ROBO1: variants seen among roughly 807,000 people sequenced by gnomAD.
ROBO1 encodes roundabout homolog 1.
A neutral mutation model predicts 195.9 loss-of-function variants in ROBO1; 149 were observed. The ratio of observed to expected loss-of-function variants is 0.76; its 90% CI spans 0.67 to 0.87. ROBO1 has a LOEUF of 0.87. Among genes scored for constraint, ROBO1 ranks in the 40% least tolerant of loss-of-function variants. The probability of loss-of-function intolerance (pLI) is 0.00; values close to 1 mark genes in which losing one functional copy is unlikely to be tolerated. For missense variants in ROBO1, 1,933 were observed against 2,068.3 expected, an observed-to-expected ratio of 0.93 and a Z score of 1.27; for synonymous variants, 816 against 733.2, an observed-to-expected ratio of 1.11 and a Z score of -1.82.
At chr3:79,726,805 G>A (rs1172966243) in intron 1 of ROBO1, among the ~76,000 whole-genome samples, 10 of 152,120 alleles carry the variant, frequency 6.6e-5, no homozygotes, top group Admixed American at 6.5e-4. Flanking sequence ...TATAAAGAGA[G>A]TAAAATCCAA....
intron 3 of ROBO1, among the ~76,000 whole-genome samples, chr3:79,063,560 A>G (rs535689776): frequency 4.9e-4 from 74 of 150,800 alleles, no homozygotes; most frequent in African/African-American, 1.7e-3. Context: ...TGACCTTCAC[A>G]TGGTTAAATC....
At chr3:79,270,177 TG>T (rs1196300340) in intron 2 of ROBO1, among the ~76,000 whole-genome samples, 1 of 120,118 alleles carries the variant, frequency 8.3e-6, no homozygotes, top group African/African-American at 3.3e-5. Context: ...ACATACATAA[TG>T]TTCTCTCTCT....
At chr3:79,501,410 G>T (rs982654735) in intron 2 of ROBO1, among the ~76,000 whole-genome samples, 1 of 152,142 alleles carries the variant, frequency 6.6e-6, no homozygotes, top group Admixed American at 6.6e-5. Flanking sequence ...TCTTGGCATT[G>T]ATGTCTTCTG....
chr3:79,591,659 T>C (rs1944002697), intron 1 of ROBO1, among the ~76,000 whole-genome samples: 1 of 151,938 alleles, frequency 6.6e-6, no homozygotes, highest in Non-Finnish European at 1.5e-5. Flanking sequence ...ATCCATACTA[T>C]GCAGTTATTA....
intron 2 of ROBO1, among the ~76,000 whole-genome samples, chr3:79,399,354 G>C (rs1163444911): frequency 2.0e-5 from 3 of 151,822 alleles, no homozygotes; most frequent in Non-Finnish European, 4.4e-5. Flanking sequence ...GCTGCCCCCC[G>C]ACCTCCCACT....
chr3:78,602,199 C>T (rs1037775000), intron 29 of ROBO1, among the ~76,000 whole-genome samples: 2 of 151,964 alleles, frequency 1.3e-5, no homozygotes, highest in Non-Finnish European at 2.9e-5. Context: ...CCTCATGGAT[C>T]GCTTGGGCCA....
chr3:79,331,456 A>G (rs1468570835), intron 2 of ROBO1, among the ~76,000 whole-genome samples: 2 of 152,248 alleles, frequency 1.3e-5, no homozygotes, highest in African/African-American at 2.4e-5. Context: ...GCCATTTATA[A>G]AAGACTTCTG....
intron 3 of ROBO1, among the ~76,000 whole-genome samples, chr3:79,097,799 T>G (rs1275586573): frequency 6.6e-6 from 1 of 151,614 alleles, no homozygotes; most frequent in African/African-American, 2.4e-5. Context: ...TAATATTCTA[T>G]TATATATGTT....
chr3:79,362,269 C>T (rs1377334444), intron 2 of ROBO1, among the ~76,000 whole-genome samples: 2 of 151,966 alleles, frequency 1.3e-5, no homozygotes, highest in Non-Finnish European at 2.9e-5. Flanking sequence ...AATAATAGAT[C>T]GAAGTGCATT....
intron 2 of ROBO1, among the ~76,000 whole-genome samples, chr3:79,248,108 G>A (rs2082656631): frequency 6.6e-6 from 1 of 151,986 alleles, no homozygotes; most frequent in Non-Finnish European, 1.5e-5. Flanking sequence ...AGGAAACTTT[G>A]GATAGATTTG....
At chr3:79,077,053 T>C (rs2079186177) in intron 3 of ROBO1, among the ~76,000 whole-genome samples, 2 of 151,920 alleles carry the variant, frequency 1.3e-5, no homozygotes, top group South Asian at 4.1e-4. Flanking sequence ...GGTGACTTGG[T>C]ATATGTATTC....
At chr3:79,609,895 G>C (rs1944602062) in intron 1 of ROBO1, among the ~76,000 whole-genome samples, 1 of 151,842 alleles carries the variant, frequency 6.6e-6, no homozygotes, top group African/African-American at 2.4e-5. Flanking sequence ...TTTCCATTTT[G>C]CAAGATGAAA....
At chr3:79,020,713 T>G (rs1250748236) in intron 3 of ROBO1, among the ~76,000 whole-genome samples, 1 of 151,894 alleles carries the variant, frequency 6.6e-6, no homozygotes, top group Non-Finnish European at 1.5e-5. Flanking sequence ...AATAAATAAA[T>G]AAAAAGACAC....
At chr3:79,747,728 T>C (rs898114905) in intron 1 of ROBO1, among the ~76,000 whole-genome samples, 3 of 152,152 alleles carry the variant, frequency 2.0e-5, no homozygotes, top group Non-Finnish European at 1.5e-5. Context: ...AAATGTTAGA[T>C]GTGACTAATA....
At chr3:79,076,246 G>GTA (rs779728397) in intron 3 of ROBO1, among the ~76,000 whole-genome samples, 424 of 145,446 alleles carry the variant, frequency 2.9e-3, no homozygotes, top group African/African-American at 9.0e-3. Flanking sequence ...ATAAATATAA[G>GTA]TATATATATA....
intron 2 of ROBO1, among the ~76,000 whole-genome samples, chr3:79,575,887 T>C (rs1468558408): frequency 6.6e-6 from 1 of 151,936 alleles, no homozygotes; most frequent in Non-Finnish European, 1.5e-5. Context: ...TTGTTTGCCC[T>C]GAAGCATCAT....
At chr3:78,780,729 T>C (rs2083652414) in intron 4 of ROBO1, among the ~76,000 whole-genome samples, 1 of 152,164 alleles carries the variant, frequency 6.6e-6, no homozygotes, top group Non-Finnish European at 1.5e-5. Context: ...ACCTGCTTCT[T>C]CTTGGCAACT....
At chr3:79,493,886 A>T (rs897168778) in intron 2 of ROBO1, among the ~76,000 whole-genome samples, 2 of 152,152 alleles carry the variant, frequency 1.3e-5, no homozygotes, top group Admixed American at 1.3e-4. Context: ...CTAAAATGCA[A>T]AACAAATTAT....
At chr3:79,302,779 T>A (rs954058964) in intron 2 of ROBO1, among the ~76,000 whole-genome samples, 4 of 152,156 alleles carry the variant, frequency 2.6e-5, no homozygotes, top group Non-Finnish European at 4.4e-5. Flanking sequence ...AGTATATCAG[T>A]CATTATTGCC....
Sources: allele counts gnomAD v4.1 joint callset (sites outside exome capture counted in the v4.1 genomes callset), GRCh38; gene constraint gnomAD v4.1.1; transcripts MANE v1.5; gene names NCBI Gene and HGNC (gene_info 2026-07-23, HGNC 2026-07-21).